Variants in EHBP1 observed in about 807,000 individuals in gnomAD.
EHBP1 encodes the protein EH domain-binding protein 1.
In EHBP1, 55 loss-of-function variants were observed where a neutral mutation model predicts 144.0. The ratio of observed to expected loss-of-function variants is 0.38; its 90% CI spans 0.31 to 0.48. The LOEUF (loss-of-function observed/expected upper bound fraction) is 0.48, where lower values mean the gene tolerates loss of function less well. EHBP1 is among the 20% of genes least tolerant of loss of function. EHBP1 has a pLI of 0.98. For synonymous variants in EHBP1, 469 were observed against 472.7 expected (o/e 0.99, Z 0.10); for missense variants, 1,200 against 1,364.2 (o/e 0.88, Z 1.90).
intron 12 of EHBP1, among the ~76,000 whole-genome samples, chr2:62,945,133 T>C (rs2056989890): frequency 6.6e-6 from 1 of 152,228 alleles, no homozygotes; most frequent in South Asian, 2.1e-4. Context: ...TGTCATGCTA[T>C]AGTTGTTGCT....
intron 10 of EHBP1, among the ~76,000 whole-genome samples, chr2:62,914,795 TA>T (rs143348748): frequency 0.021 from 3,232 of 152,128 alleles, 83 homozygotes; most frequent in African/African-American, 0.065. Context: ...CTTAAAAATC[TA>T]AATAAAAATA....
At position 62,729,328 on chromosome 2, in the gene EHBP1, AAT is replaced by A. The variant is rs1286901201; in HGVS notation, c.105-18063_105-18062del. Among the ~76,000 whole-genome samples the A allele has an allele frequency of 5.4e-5, 7 of 129,244 alleles. No homozygotes were observed. In the East Asian group the frequency reaches 1.2e-3, roughly 22 times the overall value. The allele number at this position is 129,244 out of a possible 152,430, so 84.8% of individuals were successfully genotyped here. ...TAATATAATATAATATTTATAATAT[AAT>A]ATAATATATATAATATATATAATAA... On this transcript the variant is annotated intron_variant, in intron 2 of 22. Coordinates refer to ENST00000431489, the MANE Select transcript of EHBP1 (RefSeq NM_001142616.3).
At chr2:62,840,694 C>G (rs1402295402) in intron 7 of EHBP1, among the ~76,000 whole-genome samples, 1 of 151,416 alleles carries the variant, frequency 6.6e-6, no homozygotes, top group Non-Finnish European at 1.5e-5. Context: ...TGAACAGACA[C>G]TTCTCAAAAG....
chr2:62,936,492 C>T (rs2056396091), intron 10 of EHBP1, among the ~76,000 whole-genome samples: 1 of 151,840 alleles, frequency 6.6e-6, no homozygotes, highest in Non-Finnish European at 1.5e-5. Context: ...TTTACTGTTT[C>T]TACTTTTGAG....
At chr2:62,787,252 A>G (rs1366923196) in intron 5 of EHBP1, among the ~76,000 whole-genome samples, 1 of 152,194 alleles carries the variant, frequency 6.6e-6, no homozygotes, top group Admixed American at 6.5e-5. Context: ...TGACATAAAT[A>G]CTAATTTTAA....
intron 19 of EHBP1, among the ~76,000 whole-genome samples, chr2:63,035,057 T>C (rs2061397592): frequency 6.6e-6 from 1 of 152,064 alleles, no homozygotes. Flanking sequence ...CTTATAAAGC[T>C]AAAGGGGTCT....
At chr2:63,008,109 A>G (rs2060119278) in intron 19 of EHBP1, among the ~76,000 whole-genome samples, 2 of 151,760 alleles carry the variant, frequency 1.3e-5, no homozygotes, top group Non-Finnish European at 3.0e-5. Context: ...CCACATCTAC[A>G]AAGTTTTACA....
intron 19 of EHBP1, among the ~76,000 whole-genome samples, chr2:63,030,952 C>A (rs1270518982): frequency 6.6e-6 from 1 of 151,826 alleles, no homozygotes; most frequent in Non-Finnish European, 1.5e-5. Flanking sequence ...TGCGCCACCA[C>A]ACCCAGCTAA....
chr2:62,948,699 C>T lies in EHBP1; in HGVS notation c.1853C>T (p.Pro618Leu). The T allele has an allele frequency of 6.2e-7, 1 of 1,613,944 alleles. No homozygotes were observed. The highest frequency in any genetic ancestry group is 1.6e-4 in the Middle Eastern group (1 of 6,062). ...CGCAGGACTAAAAGTGACACAGAAC[C>T]CCAGAAGTCTCAGCAGAGCTCTGGA... The part of the protein sequence containing the change: ...YCRRTKSDTE[P>L]QKSQQSSGRT... The change falls in exon 13 of 23, where the codon CCC becomes CTC. Residue 618 changes from proline (P) to leucine (L), a missense_variant. By Grantham distance (98) the Pro-to-Leu change is moderately conservative. Transcript: ENST00000431489.
intron 4 of EHBP1, among the ~76,000 whole-genome samples, chr2:62,768,161 A>G (rs1219419945): frequency 1.3e-5 from 2 of 152,224 alleles, no homozygotes; most frequent in Non-Finnish European, 1.5e-5. Context: ...GAAGACAAGC[A>G]GTAACGAAAA....
Position 62,948,656 on chromosome 2 carries a change from A to T in EHBP1, c.1810A>T (p.Thr604Ser). The change falls in exon 13 of 23, where the codon ACA (threonine) becomes TCA (serine). Residue 604 changes from threonine to serine, a missense_variant. Coordinates refer to ENST00000431489, the MANE Select transcript of EHBP1 (RefSeq NM_001142616.3). ...TCCTGATGATCACCTTAGTCCAAGC[A>T]CAGCCTCCCCTTACTGTCGCAGGAC... is the stretch of plus-strand genomic sequence containing the variant. ...QTPDDHLSPS[T>S]ASPYCRRTKS... is the part of the protein sequence containing the mutation. 4.3e-6 allele frequency: 7 copies of T among 1,614,026 alleles called. No individual in the cohort carries two copies. Among genetic ancestry groups the T allele is most frequent in the Non-Finnish European group, 5.9e-6 (7 of 1,179,982 alleles).
chr2:63,044,722 A>G (rs2061861881), intron 21 of EHBP1: 1 of 177,192 alleles, frequency 5.6e-6, no homozygotes, highest in African/African-American at 2.4e-5. Flanking sequence ...CACTTCCCCC[A>G]CTACCAACCC....
intron 3 of EHBP1, 65 bp from the exon 4 acceptor site, chr2:62,764,201 C>G: frequency 8.7e-7 from 1 of 1,151,866 alleles, no homozygotes; most frequent in South Asian, 1.7e-5. Context: ...TCATTTTATT[C>G]TGGTAAATTA....
intron 20 of EHBP1, 60 bp from the exon 21 acceptor site, chr2:63,038,683 C>A (rs2061541851): frequency 6.7e-7 from 1 of 1,489,430 alleles, no homozygotes; most frequent in Non-Finnish European, 9.3e-7. Flanking sequence ...CCTAAAGGTT[C>A]TTTTAAGTTT....
chr2:63,036,737 A>G (rs1177429708), intron 19 of EHBP1, among the ~76,000 whole-genome samples: 1 of 151,850 alleles, frequency 6.6e-6, no homozygotes, highest in Admixed American at 6.6e-5. Context: ...ACATGAACAA[A>G]TGCCAAACAT....
At chr2:63,008,405 G>GT (rs1371920182) in intron 19 of EHBP1, among the ~76,000 whole-genome samples, 1 of 151,026 alleles carries the variant, frequency 6.6e-6, no homozygotes, top group Non-Finnish European at 1.5e-5. Flanking sequence ...TTTCAGTCTT[G>GT]TTTTTTTCAT....
intron 2 of EHBP1, among the ~76,000 whole-genome samples, chr2:62,713,430 G>T (rs1294370882): frequency 6.6e-6 from 1 of 151,966 alleles, no homozygotes; most frequent in Non-Finnish European, 1.5e-5. Flanking sequence ...TTTTAGTAGA[G>T]ACAGGGTTTT....
intron 10 of EHBP1, among the ~76,000 whole-genome samples, chr2:62,895,419 T>G (rs2052825293): frequency 6.6e-6 from 1 of 152,148 alleles, no homozygotes; most frequent in African/African-American, 2.4e-5. Flanking sequence ...CTTCTTTGCC[T>G]TATTTCTGTT....
At chr2:62,912,201 T>C (rs999720878) in intron 10 of EHBP1, among the ~76,000 whole-genome samples, 3 of 152,158 alleles carry the variant, frequency 2.0e-5, no homozygotes, top group African/African-American at 7.2e-5. Context: ...TCCTATGTTG[T>C]TGTGATTTTT....
Sources: gnomAD v4.1 joint callset for allele counts (sites outside exome capture counted in the v4.1 genomes callset) on GRCh38, gnomAD v4.1.1 for gene constraint, MANE v1.5 for transcripts, NCBI Gene and HGNC (gene_info 2026-07-23, HGNC 2026-07-21) for gene names.